The following SHROOM3 variants were observed in gnomAD, a reference collection of about 807,000 sequenced individuals.
SHROOM3 encodes the protein protein Shroom3.
SHROOM3 carries 47 observed loss-of-function variants against 138.6 expected under a neutral mutation model. The ratio of observed to expected loss-of-function variants is 0.34; its 90% CI spans 0.27 to 0.43. The LOEUF (loss-of-function observed/expected upper bound fraction) is 0.43, where lower values mean the gene tolerates loss of function less well. Among genes scored for constraint, SHROOM3 ranks in the 20% least tolerant of loss-of-function variants. The probability of loss-of-function intolerance (pLI) is 1.00; values close to 1 mark genes in which losing one functional copy is unlikely to be tolerated. For missense variants in SHROOM3, 2,491 were observed against 2,596.5 expected, an observed-to-expected ratio of 0.96 and a Z score of 0.88; for synonymous variants, 1,062 against 1,063.3, an observed-to-expected ratio of 1.00 and a Z score of 0.02.
chr4:76,447,239 G>C (rs1258824230), intron 1 of SHROOM3, among the ~76,000 whole-genome samples: 12 of 152,132 alleles, frequency 7.9e-5, no homozygotes, highest in Admixed American at 7.9e-4. Flanking sequence ...GCATTCTTCA[G>C]GTTAGTCAAA....
At chr4:76,607,580 G>T (rs1351666562) in intron 2 of SHROOM3, among the ~76,000 whole-genome samples, 1 of 151,996 alleles carries the variant, frequency 6.6e-6, no homozygotes, top group Non-Finnish European at 1.5e-5. Context: ...TTTATTACTG[G>T]CCACAAACCA....
chr4:76,687,963 A>G (rs986888114), intron 2 of SHROOM3, among the ~76,000 whole-genome samples: 1 of 152,198 alleles, frequency 6.6e-6, no homozygotes, highest in Non-Finnish European at 1.5e-5. Flanking sequence ...TGTGTTCTCC[A>G]GCTAATACTT....
intron 3 of SHROOM3, among the ~76,000 whole-genome samples, chr4:76,721,681 TGTATTGTTGA>T (rs1303857424): frequency 6.6e-6 from 1 of 152,186 alleles, no homozygotes; most frequent in African/African-American, 2.4e-5. Flanking sequence ...CAGCTGAATA[TGTATTGTTGA>T]GTAAAAAAGC....
At chr4:76,581,032 G>A (rs1467473966) in intron 2 of SHROOM3, among the ~76,000 whole-genome samples, 1 of 152,056 alleles carries the variant, frequency 6.6e-6, no homozygotes, top group Non-Finnish European at 1.5e-5. Context: ...AGATTGAAAT[G>A]GATCATTAAT....
At chr4:76,672,306 T>C (rs1245105472) in intron 2 of SHROOM3, among the ~76,000 whole-genome samples, 1 of 151,544 alleles carries the variant, frequency 6.6e-6, no homozygotes, top group Non-Finnish European at 1.5e-5. Flanking sequence ...AACCAGAGAA[T>C]AATTCTATCC....
At position 76,556,995 on chromosome 4, in the gene SHROOM3, G is replaced by A. The variant is rs149222488; in HGVS notation, c.323+1232G>A. On this transcript the variant is annotated intron_variant, in intron 2 of 10. Coordinates refer to ENST00000296043, the MANE Select transcript of SHROOM3 (RefSeq NM_020859.4). ...CTCTGGTGGTCAGTGATGCAGAGTG[G>A]CTCAAAGCATAGGCACCGGATTCAG... Among the ~76,000 whole-genome samples the A allele has an allele frequency of 3.9e-5, 6 of 152,236 alleles. No homozygotes were observed. The East Asian group carries it at 1.2e-3, about 29-fold the overall frequency.
chr4:76,623,819 C>T lies in SHROOM3; in HGVS notation c.323+68056C>T, dbSNP rs79003366. ...CTGAGAGTGTGGAATTGAATGAACA[C>T]GCCTGGGATTTGAAATGAGAGATCT... On this transcript the variant is annotated intron_variant, in intron 2 of 10. Coordinates refer to ENST00000296043, the MANE Select transcript of SHROOM3 (RefSeq NM_020859.4). Among the ~76,000 whole-genome samples, 159 of 152,232 alleles carry T rather than the reference C, an allele frequency of 1.0e-3. 5 individuals carry two copies. The East Asian group carries it at 0.025, about 24-fold the overall frequency.
At chr4:76,725,596 C>T (rs1720680863) in intron 3 of SHROOM3, among the ~76,000 whole-genome samples, 1 of 152,200 alleles carries the variant, frequency 6.6e-6, no homozygotes, top group East Asian at 1.9e-4. Context: ...TCATGTACCA[C>T]ATCCCTGGAG....
intron 6 of SHROOM3, among the ~76,000 whole-genome samples, chr4:76,749,931 T>C (rs1270685841): frequency 6.6e-6 from 1 of 152,222 alleles, no homozygotes. Flanking sequence ...ATAATACACC[T>C]ACACCCTACC....
chr4:76,606,287 C>T lies in SHROOM3; in HGVS notation c.323+50524C>T, dbSNP rs539141005. 3.8e-3 allele frequency among the ~76,000 whole-genome samples: 564 copies of T among 148,888 alleles called. 6 individuals carry two copies. The highest frequency in any genetic ancestry group is 0.013 in the African/African-American group (546 of 40,946). ...TCGGCCTCCCAAAGTGCTGGGATTA[C>T]AGGTGTGAGCCACCAAATACTATAT... On this transcript the variant is annotated intron_variant, in intron 2 of 10. Coordinates refer to ENST00000296043, the MANE Select transcript of SHROOM3 (RefSeq NM_020859.4).
intron 2 of SHROOM3, among the ~76,000 whole-genome samples, chr4:76,701,969 A>T (rs542530125): frequency 6.6e-6 from 1 of 152,350 alleles, no homozygotes; most frequent in Non-Finnish European, 1.5e-5. Context: ...AAAATAATAA[A>T]CATTAATTGT....
At chr4:76,663,297 C>T (rs922558387) in intron 2 of SHROOM3, among the ~76,000 whole-genome samples, 3 of 152,020 alleles carry the variant, frequency 2.0e-5, no homozygotes, top group Non-Finnish European at 2.9e-5. Flanking sequence ...TAGGATTTCT[C>T]GGTTGTGTGT....
chr4:76,642,145 C>T (rs1735688142), intron 2 of SHROOM3, among the ~76,000 whole-genome samples: 1 of 152,080 alleles, frequency 6.6e-6, no homozygotes, highest in Non-Finnish European at 1.5e-5. Flanking sequence ...TAGGATATGG[C>T]CAATGTACTT....
At chr4:76,461,215 A>G (rs1731136457) in intron 1 of SHROOM3, among the ~76,000 whole-genome samples, 1 of 152,166 alleles carries the variant, frequency 6.6e-6, no homozygotes, top group South Asian at 2.1e-4. Context: ...TCCACAGATA[A>G]TGCAAAATTA....
At chr4:76,703,696 C>CTTCATGGAT in intron 2 of SHROOM3, among the ~76,000 whole-genome samples, 1 of 152,320 alleles carries the variant, frequency 6.6e-6, no homozygotes, top group South Asian at 2.1e-4. Flanking sequence ...GTAAGGCTAA[C>CTTCATGGAT]TTCATGGATG....
chr4:76,508,566 G>A (rs558296247), intron 1 of SHROOM3, among the ~76,000 whole-genome samples: 3 of 152,074 alleles, frequency 2.0e-5, no homozygotes, highest in African/African-American at 4.8e-5. Context: ...TTTTAAAATC[G>A]CTTTTCAGTT....
At chr4:76,679,031 G>A (rs373874144) in intron 2 of SHROOM3, among the ~76,000 whole-genome samples, 1 of 152,286 alleles carries the variant, frequency 6.6e-6, no homozygotes, top group South Asian at 2.1e-4. Context: ...GAAATCGTTG[G>A]TGTATTTGAT....
chr4:76,564,332 A>G (rs1733654771), intron 2 of SHROOM3, among the ~76,000 whole-genome samples: 1 of 152,162 alleles, frequency 6.6e-6, no homozygotes, highest in Non-Finnish European at 1.5e-5. Flanking sequence ...TTGAGAGGAG[A>G]GGAAGGAGGC....
At chr4:76,760,440 C>G (rs1721953560) in intron 9 of SHROOM3, among the ~76,000 whole-genome samples, 1 of 152,222 alleles carries the variant, frequency 6.6e-6, no homozygotes, top group African/African-American at 2.4e-5. Flanking sequence ...CTCTATGCAG[C>G]TCAGGCATGT....
Sources: gnomAD v4.1 joint callset for allele counts (sites outside exome capture counted in the v4.1 genomes callset) on GRCh38, gnomAD v4.1.1 for gene constraint, MANE v1.5 for transcripts, NCBI Gene and HGNC (gene_info 2026-07-23, HGNC 2026-07-21) for gene names.